Variants in CDC42BPA observed in about 807,000 individuals in gnomAD.
CDC42BPA encodes CDC42 binding protein kinase alpha.
CDC42BPA carries 80 observed loss-of-function variants against 223.5 expected under a neutral mutation model. The observed-to-expected ratio is 0.36, with a 90% CI of 0.30 to 0.43. The LOEUF is 0.43. CDC42BPA is among the 20% of genes least tolerant of loss of function. The pLI, the probability that CDC42BPA is intolerant of heterozygous loss-of-function variation, is 1.00. For synonymous variants in CDC42BPA, 694 were observed against 718.6 expected, an observed-to-expected ratio of 0.97 and a Z score of 0.55; for missense variants, 1,743 against 2,099.9, an observed-to-expected ratio of 0.83 and a Z score of 3.32.
intron 5 of CDC42BPA, among the ~76,000 whole-genome samples, chr1:227,161,849 A>T (rs74143321): frequency 0.16 from 24,173 of 152,158 alleles, 2,356 homozygotes; most frequent in African/African-American, 0.26. Context: ...ATTGTAGATG[A>T]TAGATGGTTG....
intron 2 of CDC42BPA, chr1:227,235,052 G>A (rs961634985): frequency 6.6e-6 from 1 of 152,150 alleles, no homozygotes; most frequent in Non-Finnish European, 1.5e-5. Flanking sequence ...TTCAAGTGTA[G>A]AGATCATGGC....
At chr1:227,137,636 A>C (rs1658849368) in intron 10 of CDC42BPA, among the ~76,000 whole-genome samples, 1 of 151,046 alleles carries the variant, frequency 6.6e-6, no homozygotes, top group Non-Finnish European at 1.5e-5. Context: ...AGACTGGGTA[A>C]TTTTTTATTG....
At chr1:227,244,433 C>CA (rs1221290807) in intron 2 of CDC42BPA, among the ~76,000 whole-genome samples, 3 of 145,194 alleles carry the variant, frequency 2.1e-5, no homozygotes, top group East Asian at 2.0e-4. Context: ...CAAAAACAAG[C>CA]AAAAAAAATC....
At chr1:227,310,967 A>G (rs1425339737) in intron 1 of CDC42BPA, among the ~76,000 whole-genome samples, 1 of 152,034 alleles carries the variant, frequency 6.6e-6, no homozygotes, top group Non-Finnish European at 1.5e-5. Context: ...CTGGGATTAC[A>G]GGCGTAAACC....
intron 5 of CDC42BPA, chr1:227,178,206 A>G (rs1034468768): frequency 5.9e-5 from 9 of 152,224 alleles, no homozygotes; most frequent in Non-Finnish European, 1.3e-4. Context: ...GGATTCCCAC[A>G]TGTTGTGGGA....
intron 4 of CDC42BPA, among the ~76,000 whole-genome samples, chr1:227,196,334 A>G (rs944053447): frequency 4.0e-4 from 29 of 72,450 alleles, no homozygotes; most frequent in African/African-American, 1.7e-3. Context: ...ACTATTAAAC[A>G]ATACTTTTTT....
intron 1 of CDC42BPA, among the ~76,000 whole-genome samples, chr1:227,268,949 T>G (rs1685535202): frequency 1.3e-5 from 2 of 152,062 alleles, no homozygotes; most frequent in Non-Finnish European, 2.9e-5. Context: ...CCTCCCAAAG[T>G]GCTGGGATTA....
At chr1:227,163,069 A>AAT (rs76538551) in intron 5 of CDC42BPA, among the ~76,000 whole-genome samples, 91,745 of 144,430 alleles carry the variant, frequency 0.64, 29,654 homozygotes, top group African/African-American at 0.75. Flanking sequence ...TCCAAACATA[A>AAT]ATGTGTGTAT....
intron 1 of CDC42BPA, among the ~76,000 whole-genome samples, chr1:227,308,627 C>T (rs1275853372): frequency 2.6e-5 from 4 of 151,912 alleles, no homozygotes; most frequent in African/African-American, 9.7e-5. Flanking sequence ...AACTATTAGT[C>T]TTATGTCCAT....
intron 15 of CDC42BPA, among the ~76,000 whole-genome samples, chr1:227,093,566 C>T (rs1364245272): frequency 6.6e-6 from 1 of 152,150 alleles, no homozygotes; most frequent in East Asian, 1.9e-4. Flanking sequence ...CCCAACAATG[C>T]CATATTCTGG....
In CDC42BPA at chr1:227,304,307, G is replaced by A. The variant is rs189426082; in HGVS notation, c.178+12698C>T. ...TGCAGTCCCAGCTACTCAGGAGGCT[G>A]AGGCAGAAGAATTGCTTAAACCCAG... is the stretch of plus-strand genomic sequence containing the variant. On this transcript the variant is annotated intron_variant, in intron 1 of 36. Coordinates refer to ENST00000366766, the MANE Select transcript of CDC42BPA (RefSeq NM_001394014.1). Among the ~76,000 whole-genome samples the A allele has an allele frequency of 1.3e-4, 20 of 152,166 alleles. 2 individuals are homozygous for A. The East Asian group carries it at 3.9e-3, about 29-fold the overall frequency.
intron 1 of CDC42BPA, among the ~76,000 whole-genome samples, chr1:227,270,034 C>G (rs1480286343): frequency 1.3e-5 from 2 of 152,054 alleles, no homozygotes; most frequent in African/African-American, 2.4e-5. Context: ...CTAGGAAATA[C>G]CGAAATGGTA....
intron 21 of CDC42BPA, among the ~76,000 whole-genome samples, chr1:227,061,435 G>C (rs1488466301): frequency 1.1e-4 from 17 of 152,210 alleles, no homozygotes; most frequent in Admixed American, 1.1e-3. Context: ...TAAAGATGTA[G>C]AAGATGGATC....
intron 2 of CDC42BPA, among the ~76,000 whole-genome samples, chr1:227,219,636 T>C (rs1675483232): frequency 1.3e-5 from 2 of 152,188 alleles, no homozygotes; most frequent in Admixed American, 6.5e-5. Flanking sequence ...GAAATGCTCC[T>C]ATCAAATATT....
chr1:227,029,190 T>C lies in CDC42BPA; in HGVS notation c.3899A>G (p.Gln1300Arg). ...IHQIELIPNDQLVAVISGRNR... is the reference protein window; with the variant it reads ...IHQIELIPNDRLVAVISGRNR... Reference sequence around the variant, plus strand: ...TCGTCCTGAGATCACAGCAACAAGCTGATCATTTGGAATGAGTTCAATCTG... The same window carrying C: ...TCGTCCTGAGATCACAGCAACAAGCCGATCATTTGGAATGAGTTCAATCTG... Residue 1300 changes from glutamine to arginine, a missense_variant, in exon 30 of 37, where the codon CAG becomes CGG. Gln to Arg is a conservative substitution (Grantham distance 43). Transcript: ENST00000366766. The C allele has an allele frequency of 6.2e-7, 1 of 1,601,262 alleles. No homozygotes were observed. The highest frequency in any genetic ancestry group is 8.5e-7 in the Non-Finnish European group (1 of 1,179,724).
chr1:227,031,219 C>A (rs1331213099), intron 28 of CDC42BPA, 79 bp downstream of exon 28: 1 of 1,120,082 alleles, frequency 8.9e-7, no homozygotes, highest in East Asian at 2.4e-5. Flanking sequence ...CTGGGGATTC[C>A]TAGATGAAAG....
intron 2 of CDC42BPA, among the ~76,000 whole-genome samples, chr1:227,252,843 A>G (rs577480141): frequency 6.6e-6 from 1 of 152,164 alleles, no homozygotes; most frequent in African/African-American, 2.4e-5. Flanking sequence ...CAAAATTCCT[A>G]TTTGAAAAGT....
At chr1:227,179,367 T>G (rs958379832) in intron 5 of CDC42BPA, among the ~76,000 whole-genome samples, 1 of 152,182 alleles carries the variant, frequency 6.6e-6, no homozygotes, top group Admixed American at 6.5e-5. Context: ...CCGGGCATGG[T>G]GGCTCACGCC....
rs67192689 is a variant in CDC42BPA at position 227,284,964 on chromosome 1, C to CA, written c.179-30810dup. On this transcript the variant is annotated intron_variant, in intron 1 of 36. Coordinates refer to ENST00000366766, the MANE Select transcript of CDC42BPA (RefSeq NM_001394014.1). ...GGTGACAGAGTGAGACCCCATCTCACAAAAAAAAAAAAATAATCCCCTTTG... is the reference window on the plus strand; with the variant it reads ...GGTGACAGAGTGAGACCCCATCTCACAAAAAAAAAAAAAATAATCCCCTTTG... Among the ~76,000 whole-genome samples the CA allele has an allele frequency of 1.3e-3, 188 of 144,168 alleles. 1 individual carries two copies. The highest frequency in any genetic ancestry group is 3.1e-3 in the African/African-American group (119 of 38,750). 94.6% of individuals were successfully genotyped at this position (144,168 alleles called of 152,430 possible). A position where few individuals can be genotyped will look rare whatever the true frequency, so the allele number is the denominator to read the frequency against.
Sources: allele counts gnomAD v4.1 joint callset (sites outside exome capture counted in the v4.1 genomes callset), GRCh38; gene constraint gnomAD v4.1.1; transcripts MANE v1.5; gene names NCBI Gene and HGNC (gene_info 2026-07-23, HGNC 2026-07-21).